SH3GL3: variants seen among roughly 807,000 people sequenced by gnomAD.
SH3GL3 encodes the protein SH3 domain containing GRB2 like 3, endophilin A3.
Under a neutral mutation model 47.7 loss-of-function variants are expected in SH3GL3, and 33 were observed. The ratio of observed to expected loss-of-function variants is 0.69; its 90% CI spans 0.52 to 0.92. SH3GL3 has a LOEUF of 0.92. SH3GL3 is among the 40% of genes least tolerant of loss of function. SH3GL3 has a pLI of 0.00. For missense variants in SH3GL3, 363 were observed against 417.8 expected (o/e 0.87, Z 1.14); for synonymous variants, 155 against 148.8 (o/e 1.04, Z -0.30).
At chr15:83,621,335 ACT>A (rs983779107), downstream of SH3GL3, among the ~76,000 whole-genome samples, 7 of 152,026 alleles carry the variant, frequency 4.6e-5, no homozygotes, top group African/African-American at 1.7e-4. Flanking sequence ...GAGACCTGTG[ACT>A]CTTCTTTCAC....
At chr15:83,508,096 C>G (rs1011860263) in intron 1 of SH3GL3, among the ~76,000 whole-genome samples, 3 of 151,970 alleles carry the variant, frequency 2.0e-5, no homozygotes, top group African/African-American at 7.3e-5. Context: ...TGCGCACCAC[C>G]ACGCCCAGCT....
intron 1 of SH3GL3, among the ~76,000 whole-genome samples, chr15:83,523,386 G>T (rs1485627776): frequency 1.3e-5 from 2 of 152,178 alleles, no homozygotes; most frequent in Non-Finnish European, 2.9e-5. Context: ...AGGAAGTGGT[G>T]CGGGGTGGGC....
At chr15:83,490,930 A>AG in intron 1 of SH3GL3, 1 of 1,613,380 alleles carries the variant, frequency 6.2e-7, no homozygotes, top group Non-Finnish European at 8.5e-7. Context: ...GTTAAGGGGG[A>AG]GTGGTTGGGG....
rs552427669 is a variant in SH3GL3 at position 83,456,733 on chromosome 15, G to T, written c.45+9155G>T. Reference sequence around the variant, plus strand: ...TGGCACTCCCTAGTGAGATGAACCCGGTACCTCAGATGGAAATGCAGAAAT... The same window carrying T: ...TGGCACTCCCTAGTGAGATGAACCCTGTACCTCAGATGGAAATGCAGAAAT... On this transcript the variant is annotated intron_variant, in intron 1 of 8. Coordinates refer to ENST00000427482, the MANE Select transcript of SH3GL3 (RefSeq NM_003027.5). Among the ~76,000 whole-genome samples, 98 of 149,672 alleles carry T rather than the reference G, an allele frequency of 6.5e-4. 1 individual carries two copies. The highest frequency in any genetic ancestry group is 2.3e-3 in the African/African-American group (94 of 40,644).
chr15:83,518,578 A>G (rs1442841079), intron 1 of SH3GL3, among the ~76,000 whole-genome samples: 5 of 152,230 alleles, frequency 3.3e-5, no homozygotes, highest in South Asian at 4.1e-4. Context: ...TCATTTTTCA[A>G]TGGGGTTATT....
chr15:83,536,756 A>G (rs927761365), intron 1 of SH3GL3, among the ~76,000 whole-genome samples: 3 of 151,468 alleles, frequency 2.0e-5, no homozygotes, highest in Non-Finnish European at 4.4e-5. Context: ...TTTTTTATTG[A>G]GTTTTCCTCC....
At chr15:83,510,951 T>C (rs2151629159) in intron 1 of SH3GL3, among the ~76,000 whole-genome samples, 1 of 151,610 alleles carries the variant, frequency 6.6e-6, no homozygotes, top group East Asian at 2.0e-4. Flanking sequence ...ATGAGAACAC[T>C]TGGACACAGG....
At chr15:83,567,769 C>T (rs2045621055) in intron 3 of SH3GL3, among the ~76,000 whole-genome samples, 1 of 152,210 alleles carries the variant, frequency 6.6e-6, no homozygotes, top group East Asian at 1.9e-4. Context: ...TTGAAATATC[C>T]TCCTCGGCAA....
At chr15:83,592,224 T>C (rs2060126624) in intron 8 of SH3GL3, among the ~76,000 whole-genome samples, 1 of 152,228 alleles carries the variant, frequency 6.6e-6, no homozygotes, top group Non-Finnish European at 1.5e-5. Flanking sequence ...TCCTAACCCT[T>C]GGTCTTCCAT....
chr15:83,592,947 A>C (rs1316279847), intron 8 of SH3GL3, among the ~76,000 whole-genome samples: 1 of 147,766 alleles, frequency 6.8e-6, no homozygotes, highest in Admixed American at 6.8e-5. Flanking sequence ...CAAAAAAAAA[A>C]CAGTTCTGGG....
chr15:83,525,115 A>T (rs2043359444), intron 1 of SH3GL3, among the ~76,000 whole-genome samples: 1 of 152,172 alleles, frequency 6.6e-6, no homozygotes, highest in South Asian at 2.1e-4. Context: ...ATTAATTTAC[A>T]TTCCCACCAG....
chr15:83,554,737 CATCTGCTGTTGCAGAAGAGAA>C (rs1033836843), intron 1 of SH3GL3, among the ~76,000 whole-genome samples: 2 of 152,190 alleles, frequency 1.3e-5, no homozygotes, highest in African/African-American at 2.4e-5. Flanking sequence ...TTGTCCCTGG[CATCTGCTGTTGCAGAAGAGAA>C]ATCTGCTGTC....
chr15:83,540,227 G>GAA (rs764859655), intron 1 of SH3GL3, among the ~76,000 whole-genome samples: 50 of 152,158 alleles, frequency 3.3e-4, no homozygotes, highest in Non-Finnish European at 6.0e-4. Flanking sequence ...TCCGCATATG[G>GAA]TCTATTTTGG....
At chr15:83,460,564 C>T (rs2040242409) in intron 1 of SH3GL3, among the ~76,000 whole-genome samples, 1 of 152,128 alleles carries the variant, frequency 6.6e-6, no homozygotes, top group South Asian at 2.1e-4. Flanking sequence ...GCCTGGGAAA[C>T]AGAACTTTCA....
intron 1 of SH3GL3, among the ~76,000 whole-genome samples, chr15:83,467,497 T>A (rs2040620382): frequency 6.6e-6 from 1 of 152,244 alleles, no homozygotes; most frequent in South Asian, 2.1e-4. Flanking sequence ...TTTTTCAGAA[T>A]TGTTTTAGCT....
At chr15:83,506,380 T>C (rs927241825) in intron 1 of SH3GL3, among the ~76,000 whole-genome samples, 8 of 152,186 alleles carry the variant, frequency 5.3e-5, no homozygotes, top group African/African-American at 1.9e-4. Flanking sequence ...TGGGATCCTA[T>C]ATATTGGCTG....
chr15:83,477,470 CAAAT>C (rs1281378490), intron 1 of SH3GL3, among the ~76,000 whole-genome samples: 1 of 152,110 alleles, frequency 6.6e-6, no homozygotes, highest in Non-Finnish European at 1.5e-5. Context: ...ATGACTTAAT[CAAAT>C]AAGTATGTAG....
In SH3GL3 at chr15:83,612,811, C is replaced by T. The variant is rs140280851; in HGVS notation, c.839-5271C>T. Reference sequence around the variant, plus strand: ...CATGGCTTGTAATCAAAATGCTAGGCTCTGAGTTCTTCAAGCTCTAGTTCT... The same window carrying T: ...CATGGCTTGTAATCAAAATGCTAGGTTCTGAGTTCTTCAAGCTCTAGTTCT... On this transcript the variant is annotated intron_variant, in intron 8 of 8. Transcript: ENST00000427482. Among the ~76,000 whole-genome samples, 592 of 152,288 alleles carry T rather than the reference C, an allele frequency of 3.9e-3. 3 individuals are homozygous for T. The highest frequency in any genetic ancestry group is 0.014 in the African/African-American group (564 of 41,560).
chr15:83,479,476 A>G (rs924269914), intron 1 of SH3GL3, among the ~76,000 whole-genome samples: 1 of 152,108 alleles, frequency 6.6e-6, no homozygotes, highest in African/African-American at 2.4e-5. Flanking sequence ...ATGGATGGTA[A>G]CTGGAGCTCA....
Sources: gnomAD v4.1 joint callset for allele counts (sites outside exome capture counted in the v4.1 genomes callset) on GRCh38, gnomAD v4.1.1 for gene constraint, MANE v1.5 for transcripts, NCBI Gene and HGNC (gene_info 2026-07-23, HGNC 2026-07-21) for gene names.